CTNNA3: variants seen among roughly 807,000 people sequenced by gnomAD.
CTNNA3 encodes the protein catenin alpha 3.
A neutral mutation model predicts 95.7 loss-of-function variants in CTNNA3; 76 were observed. The observed-to-expected ratio is 0.79, with a 90% CI of 0.66 to 0.96. The LOEUF (loss-of-function observed/expected upper bound fraction) is 0.96. Among genes scored for constraint, CTNNA3 ranks in the 40% least tolerant of loss-of-function variants. CTNNA3 has a pLI of 0.00. For synonymous variants in CTNNA3, 431 were observed against 374.4 expected (o/e 1.15, Z -1.74); for missense variants, 1,191 against 1,089.8 (o/e 1.09, Z -1.31).
intron 9 of CTNNA3, among the ~76,000 whole-genome samples, chr10:66,748,813 G>A (rs1328867291): frequency 2.0e-5 from 3 of 151,938 alleles, no homozygotes; most frequent in Non-Finnish European, 4.4e-5. Context: ...CACCACAGCG[G>A]TGCATTTGTT....
chr10:67,138,964 T>G (rs1860419822), intron 7 of CTNNA3, among the ~76,000 whole-genome samples: 1 of 152,150 alleles, frequency 6.6e-6, no homozygotes, highest in Non-Finnish European at 1.5e-5. Flanking sequence ...TCTTATATAT[T>G]TAGCAGATGT....
At chr10:66,579,955 T>C (rs1843131145) in intron 10 of CTNNA3, among the ~76,000 whole-genome samples, 1 of 151,746 alleles carries the variant, frequency 6.6e-6, no homozygotes, top group South Asian at 2.1e-4. Context: ...TCATGTGGAT[T>C]TCTTTGGGCT....
At chr10:65,948,073 C>A (rs1002759194) in intron 17 of CTNNA3, among the ~76,000 whole-genome samples, 2 of 152,032 alleles carry the variant, frequency 1.3e-5, no homozygotes, top group Non-Finnish European at 2.9e-5. Context: ...GTCAGGAGAT[C>A]GAGATCATCC....
intron 7 of CTNNA3, among the ~76,000 whole-genome samples, chr10:66,880,446 G>C (rs1387154951): frequency 6.6e-6 from 1 of 152,062 alleles, no homozygotes; most frequent in African/African-American, 2.4e-5. Context: ...AACTAGACTT[G>C]TGTATGTTCA....
chr10:66,527,282 T>C (rs148057822), intron 10 of CTNNA3, among the ~76,000 whole-genome samples: 246 of 152,272 alleles, frequency 1.6e-3, no homozygotes, highest in African/African-American at 5.8e-3. Flanking sequence ...TATCTATATG[T>C]CTGTATCACA....
At chr10:66,189,138 A>G (rs1051187777) in intron 13 of CTNNA3, among the ~76,000 whole-genome samples, 2 of 152,076 alleles carry the variant, frequency 1.3e-5, no homozygotes, top group African/African-American at 2.4e-5. Flanking sequence ...CCAATTAGAT[A>G]TATGGTTCAC....
chr10:66,631,744 G>A (rs1383934215), intron 9 of CTNNA3, among the ~76,000 whole-genome samples: 1 of 139,476 alleles, frequency 7.2e-6, no homozygotes, highest in Non-Finnish European at 1.6e-5. Flanking sequence ...CAAGGTTCTA[G>A]TAAATCTAAA....
At chr10:67,174,570 G>A (rs1862154312) in intron 7 of CTNNA3, among the ~76,000 whole-genome samples, 1 of 152,124 alleles carries the variant, frequency 6.6e-6, no homozygotes, top group African/African-American at 2.4e-5. Flanking sequence ...AAACAATAAA[G>A]TTATTTCCAA....
intron 11 of CTNNA3, among the ~76,000 whole-genome samples, chr10:66,471,467 G>T (rs1275765521): frequency 6.6e-6 from 1 of 151,482 alleles, no homozygotes; most frequent in Admixed American, 6.6e-5. Context: ...CTAAAATATT[G>T]CAAAATCCCT....
intron 12 of CTNNA3, among the ~76,000 whole-genome samples, chr10:66,340,446 T>C (rs956739764): frequency 2.0e-5 from 3 of 151,820 alleles, no homozygotes; most frequent in Non-Finnish European, 4.4e-5. Context: ...TGTTTGTTTG[T>C]TTTACGTACT....
intron 11 of CTNNA3, among the ~76,000 whole-genome samples, chr10:66,476,612 C>CT (rs987949978): frequency 6.6e-6 from 1 of 151,760 alleles, no homozygotes. Context: ...AAACTATTTA[C>CT]TTTTTATTTT....
At chr10:66,225,730 C>A (rs2089248742) in intron 13 of CTNNA3, among the ~76,000 whole-genome samples, 1 of 151,716 alleles carries the variant, frequency 6.6e-6, no homozygotes, top group Admixed American at 6.6e-5. Context: ...TCCACATCCT[C>A]ACCAACATTT....
intron 5 of CTNNA3, among the ~76,000 whole-genome samples, chr10:67,490,868 G>T (rs1168116001): frequency 6.6e-6 from 1 of 151,900 alleles, no homozygotes; most frequent in African/African-American, 2.4e-5. Flanking sequence ...AATAAGAAAG[G>T]GAAAATCAGA....
chr10:66,195,223 G>C (rs1241932136), intron 13 of CTNNA3, among the ~76,000 whole-genome samples: 2 of 151,646 alleles, frequency 1.3e-5, no homozygotes, highest in African/African-American at 4.8e-5. Flanking sequence ...TTTAAAAAAA[G>C]ATGACCCTTT....
intron 10 of CTNNA3, among the ~76,000 whole-genome samples, chr10:66,545,269 C>T (rs2939906): frequency 0.65 from 98,995 of 151,820 alleles, 34,979 homozygotes; most frequent in Non-Finnish European, 0.8. Context: ...ACCGCATAAA[C>T]GTCCCTTTCT....
At chr10:66,943,058 A>G (rs545961067) in intron 7 of CTNNA3, among the ~76,000 whole-genome samples, 2 of 152,218 alleles carry the variant, frequency 1.3e-5, no homozygotes, top group Non-Finnish European at 2.9e-5. Context: ...TAATAGGAAA[A>G]GCACTGAGTT....
chr10:66,312,657 C>A (rs975741614), intron 12 of CTNNA3, among the ~76,000 whole-genome samples: 3 of 152,014 alleles, frequency 2.0e-5, no homozygotes, highest in Non-Finnish European at 4.4e-5. Context: ...AGAGATTCCC[C>A]TGCCTCAGCC....
At chr10:66,676,309 C>T (rs2132486616) in intron 9 of CTNNA3, among the ~76,000 whole-genome samples, 1 of 152,008 alleles carries the variant, frequency 6.6e-6, no homozygotes, top group East Asian at 1.9e-4. Flanking sequence ...TCCTCCTGAG[C>T]GTCTGTGAGG....
chr10:66,121,250 C>G (rs2082560231), intron 13 of CTNNA3, among the ~76,000 whole-genome samples: 1 of 152,126 alleles, frequency 6.6e-6, no homozygotes, highest in Admixed American at 6.5e-5. Context: ...CCCTATTAGC[C>G]TTTGACCTAA....
Sources: allele counts gnomAD v4.1 joint callset (sites outside exome capture counted in the v4.1 genomes callset), GRCh38; gene constraint gnomAD v4.1.1; transcripts MANE v1.5; gene names NCBI Gene and HGNC (gene_info 2026-07-23, HGNC 2026-07-21).